The following WNT3 variants were observed in gnomAD, a reference collection of about 807,000 sequenced individuals.
The protein encoded by WNT3 is Wnt family member 3.
Under a neutral mutation model 34.2 loss-of-function variants are expected in WNT3, and 7 were observed. The ratio of observed to expected loss-of-function variants is 0.20; its 90% CI spans 0.12 to 0.38. The LOEUF is 0.38. Among genes scored for constraint, WNT3 ranks in the 10% least tolerant of loss-of-function variants. The pLI is 1.00. For synonymous variants in WNT3, 212 were observed against 211.5 expected, an observed-to-expected ratio of 1.00 and a Z score of -0.02; for missense variants, 267 against 499.8, an observed-to-expected ratio of 0.53 and a Z score of 4.44.
chr17:46,810,845 C>A (rs1159148088), intron 1 of WNT3, among the ~76,000 whole-genome samples: 1 of 152,120 alleles, frequency 6.6e-6, no homozygotes, highest in African/African-American at 2.4e-5. Context: ...AGGAAGTTGC[C>A]TAATATCAAG....
At chr17:46,774,358 G>A (rs529583848) in intron 1 of WNT3, among the ~76,000 whole-genome samples, 36 of 152,324 alleles carry the variant, frequency 2.4e-4, no homozygotes, top group Non-Finnish European at 4.0e-4. Flanking sequence ...ACACGCGCGC[G>A]CGCGCACACA....
At chr17:46,814,444 C>T (rs936335773) in intron 1 of WNT3, among the ~76,000 whole-genome samples, 14 of 152,242 alleles carry the variant, frequency 9.2e-5, no homozygotes, top group Non-Finnish European at 1.5e-4. Flanking sequence ...ATAATGGGGG[C>T]GGGGTGAGCG....
chr17:46,802,783 C>T (rs1398929265), intron 1 of WNT3, among the ~76,000 whole-genome samples: 1 of 152,168 alleles, frequency 6.6e-6, no homozygotes, highest in Admixed American at 6.5e-5. Flanking sequence ...CTGGGAAGGG[C>T]GTGGAAGCTC....
At chr17:46,786,750 G>C (rs953484523) in intron 1 of WNT3, among the ~76,000 whole-genome samples, 3 of 152,126 alleles carry the variant, frequency 2.0e-5, no homozygotes, top group Admixed American at 1.3e-4. Context: ...CCTACTTGGG[G>C]TCACAGCATT....
intron 1 of WNT3, among the ~76,000 whole-genome samples, chr17:46,811,548 A>G (rs1023180387): frequency 5.3e-5 from 8 of 152,128 alleles, no homozygotes; most frequent in Non-Finnish European, 8.8e-5. Context: ...TCCAGCCCCC[A>G]TGGCCCACTG....
At chr17:46,779,094 CA>C (rs2059437318) in intron 1 of WNT3, among the ~76,000 whole-genome samples, 1 of 148,282 alleles carries the variant, frequency 6.7e-6, no homozygotes, top group East Asian at 2.1e-4. Flanking sequence ...CACACACACA[CA>C]CACACACACC....
intron 1 of WNT3, among the ~76,000 whole-genome samples, chr17:46,787,752 G>A (rs897861401): frequency 4.6e-5 from 7 of 152,146 alleles, no homozygotes; most frequent in Admixed American, 1.3e-4. Flanking sequence ...TCAGGAGTTC[G>A]AGACCAGCCT....
In WNT3 at chr17:46,811,167, G is replaced by A. The variant is rs1370045026; in HGVS notation, c.80+7351C>T. 2.1e-5 allele frequency among the ~76,000 whole-genome samples: 3 copies of A among 144,430 alleles called. 1 individual carries two copies. Among genetic ancestry groups the A allele is most frequent in the African/African-American group, 7.4e-5 (3 of 40,594 alleles). 94.8% of individuals were successfully genotyped at this position (144,430 alleles called of 152,430 possible). Reference sequence around the variant, plus strand: ...GGCTTCAGCAACTCTACCCCTGCCCGCCCTACACCTTTCCAGCCTTAAGAA... The same window carrying A: ...GGCTTCAGCAACTCTACCCCTGCCCACCCTACACCTTTCCAGCCTTAAGAA... On this transcript the variant is annotated intron_variant, in intron 1 of 4. Coordinates refer to ENST00000225512, the MANE Select transcript of WNT3 (RefSeq NM_030753.5).
At chr17:46,813,492 G>A (rs1407373669) in intron 1 of WNT3, among the ~76,000 whole-genome samples, 1 of 150,750 alleles carries the variant, frequency 6.6e-6, no homozygotes, top group Non-Finnish European at 1.5e-5. Context: ...GTGGGGCTAG[G>A]CATACCTCCT....
At position 46,764,550 on chromosome 17, in the gene WNT3, G is replaced by A. The variant is rs577096848; in HGVS notation, c.*80C>T. 3.3e-5 allele frequency: 5 copies of A among 152,362 alleles called. No homozygotes were observed. The highest frequency in any genetic ancestry group is 4.8e-5 in the African/African-American group (2 of 41,562). The allele number at this position is 152,362 out of a possible 1,614,324, so 9.4% of individuals were successfully genotyped here. Reference sequence around the variant, plus strand: ...CTGTCTGACGCTGAGGGCTGTGCCCGGCTCTAGGTCCTGCTTCCCATGAGA... The same window carrying A: ...CTGTCTGACGCTGAGGGCTGTGCCCAGCTCTAGGTCCTGCTTCCCATGAGA... On this transcript the variant is annotated 3_prime_UTR_variant, in exon 5 of 5. Coordinates refer to ENST00000225512, the MANE Select transcript of WNT3 (RefSeq NM_030753.5).
intron 1 of WNT3, among the ~76,000 whole-genome samples, chr17:46,797,535 A>G (rs576890904): frequency 2.6e-5 from 4 of 152,336 alleles, no homozygotes; most frequent in Non-Finnish European, 5.9e-5. Context: ...GGGAAAAACA[A>G]TCTCAAAGAT....
intron 1 of WNT3, among the ~76,000 whole-genome samples, chr17:46,807,042 T>G (rs1217748665): frequency 6.6e-6 from 1 of 151,898 alleles, no homozygotes; most frequent in Non-Finnish European, 1.5e-5. Flanking sequence ...GTGGACATAG[T>G]CATTGGCCAG....
chr17:46,769,401 T>G (rs148639599), intron 3 of WNT3, among the ~76,000 whole-genome samples: 4 of 151,924 alleles, frequency 2.6e-5, no homozygotes, highest in African/African-American at 4.8e-5. Flanking sequence ...GGCTGGGAAC[T>G]TAACGTGACT....
Position 46,818,626 on chromosome 17 carries a change from C to A in WNT3, c.-29G>T. 8.3e-6 allele frequency: 13 copies of A among 1,572,106 alleles called. No homozygotes were observed. The highest frequency in any genetic ancestry group is 1.0e-5 in the Non-Finnish European group (12 of 1,157,314). The stretch of plus-strand genomic sequence containing the variant: ...AAGAGGCGCCGAGGAGGAAGTTTGC[C>A]CGCGACCATGAAGAGGGGGAGCGAC... On this transcript the variant is annotated 5_prime_UTR_variant, in exon 1 of 5. Transcript: ENST00000225512.
chr17:46,782,502 G>C (rs906646717), intron 1 of WNT3, among the ~76,000 whole-genome samples: 1 of 152,216 alleles, frequency 6.6e-6, no homozygotes, highest in Non-Finnish European at 1.5e-5. Flanking sequence ...ACTTCTAGAA[G>C]GGAAAGGAAA....
intron 1 of WNT3, among the ~76,000 whole-genome samples, chr17:46,775,464 G>A (rs1179384891): frequency 6.6e-6 from 1 of 152,168 alleles, no homozygotes; most frequent in Non-Finnish European, 1.5e-5. Flanking sequence ...AGGGGGAGAG[G>A]CAGGTTCTCC....
chr17:46,811,535 C>T (rs750403020), intron 1 of WNT3, among the ~76,000 whole-genome samples: 7 of 152,328 alleles, frequency 4.6e-5, no homozygotes, highest in Non-Finnish European at 1.0e-4. Flanking sequence ...GCAGGACCTT[C>T]TCTCCAGCCC....
At chr17:46,805,155 T>G (rs569290601) in intron 1 of WNT3, among the ~76,000 whole-genome samples, 3 of 152,046 alleles carry the variant, frequency 2.0e-5, no homozygotes, top group Non-Finnish European at 4.4e-5. Flanking sequence ...AGACGAACCC[T>G]GGTCCTCAAG....
chr17:46,771,387 C>T (rs1027733852), intron 2 of WNT3, among the ~76,000 whole-genome samples: 2 of 151,648 alleles, frequency 1.3e-5, no homozygotes, highest in African/African-American at 4.8e-5. Flanking sequence ...GGGCCGAGGG[C>T]GGGTTCACAG....
Sources: gnomAD v4.1 joint callset for allele counts (sites outside exome capture counted in the v4.1 genomes callset) on GRCh38, gnomAD v4.1.1 for gene constraint, MANE v1.5 for transcripts, NCBI Gene and HGNC (gene_info 2026-07-23, HGNC 2026-07-21) for gene names.